PDE1A: variants seen among roughly 807,000 people sequenced by gnomAD.
PDE1A encodes the protein phosphodiesterase 1A.
PDE1A carries 35 observed loss-of-function variants against 61.7 expected under a neutral mutation model. The observed-to-expected ratio is 0.57, with a 90% confidence interval of 0.43 to 0.75. PDE1A has a LOEUF of 0.75. PDE1A is among the 30% of genes least tolerant of loss of function. PDE1A has a pLI of 0.00. For synonymous variants in PDE1A, 232 were observed against 213.2 expected (o/e 1.09, Z -0.77); for missense variants, 597 against 630.6 (o/e 0.95, Z 0.57).
At chr2:182,673,138 C>A in the PDE1A span, among the ~76,000 whole-genome samples, 1 of 152,146 alleles carries the variant, frequency 6.6e-6, no homozygotes, top group African/African-American at 2.4e-5. Flanking sequence ...TGAAGATATG[C>A]CATTATATCA....
the PDE1A span, among the ~76,000 whole-genome samples, chr2:182,579,711 T>C: frequency 6.6e-6 from 1 of 152,004 alleles, no homozygotes; most frequent in Non-Finnish European, 1.5e-5. Flanking sequence ...TAGAAGCAAG[T>C]ACATGGTATG....
At chr2:182,679,005 CTTT>C in the PDE1A span, among the ~76,000 whole-genome samples, 3 of 127,636 alleles carry the variant, frequency 2.4e-5, no homozygotes, top group Non-Finnish European at 3.2e-5. Flanking sequence ...TTTGGTTTCT[CTTT>C]TTTTTTTTTT....
the PDE1A span, among the ~76,000 whole-genome samples, chr2:182,616,454 A>G: frequency 6.6e-6 from 1 of 152,338 alleles, no homozygotes; most frequent in African/African-American, 2.4e-5. Flanking sequence ...TAAGGATATA[A>G]TATGTCCAGA....
chr2:182,183,456 T>G (rs1258317147), intron 13 of PDE1A, among the ~76,000 whole-genome samples: 1 of 152,164 alleles, frequency 6.6e-6, no homozygotes, highest in Non-Finnish European at 1.5e-5. Context: ...AAAGCCAACT[T>G]TCCTGTTGGA....
At chr2:182,358,690 C>T (rs1699335063) in intron 1 of PDE1A, among the ~76,000 whole-genome samples, 2 of 152,092 alleles carry the variant, frequency 1.3e-5, no homozygotes, top group African/African-American at 4.8e-5. Context: ...TGAAGGCTTA[C>T]TAAGCGACAG....
At position 182,251,684 on chromosome 2, in the gene PDE1A, C is replaced by T. The variant is rs200246884; in HGVS notation, c.168-11392G>A. 1.3e-4 allele frequency among the ~76,000 whole-genome samples: 20 copies of T among 152,286 alleles called. No individual in the cohort carries two copies. The East Asian group carries it at 2.3e-3, about 18-fold the overall frequency. ...CTCTATACCAAGAAAATACGATTTA[C>T]TTATTTTCTATGACATGTGCTGAAT... On this transcript the variant is annotated intron_variant, in intron 2 of 13. Transcript: ENST00000351439.
chr2:182,187,498 T>A (rs986940358), intron 11 of PDE1A, among the ~76,000 whole-genome samples: 11 of 152,142 alleles, frequency 7.2e-5, no homozygotes, highest in African/African-American at 2.7e-4. Context: ...TATAGGAGAA[T>A]AGCTGGAGGT....
chr2:182,233,178 A>C (rs1205721601), intron 4 of PDE1A, among the ~76,000 whole-genome samples: 1 of 152,226 alleles, frequency 6.6e-6, no homozygotes, highest in Non-Finnish European at 1.5e-5. Context: ...TAAGGAAATA[A>C]TAGAGAAGGC....
At chr2:182,338,612 C>A (rs977312291) in intron 1 of PDE1A, among the ~76,000 whole-genome samples, 1 of 150,034 alleles carries the variant, frequency 6.7e-6, no homozygotes, top group Non-Finnish European at 1.5e-5. Context: ...GCAACCTCTG[C>A]CTCCCAGGTT....
the PDE1A span, among the ~76,000 whole-genome samples, chr2:182,569,198 A>G: frequency 6.6e-6 from 1 of 150,720 alleles, no homozygotes; most frequent in African/African-American, 2.5e-5. Flanking sequence ...GGCTGCAGTG[A>G]GCCGAGATTG....
the PDE1A span, among the ~76,000 whole-genome samples, chr2:182,612,417 G>T: frequency 6.6e-6 from 1 of 152,270 alleles, no homozygotes; most frequent in East Asian, 1.9e-4. Context: ...TATTCTTCCA[G>T]TATGTAAGTT....
chr2:182,625,259 G>A, the PDE1A span, among the ~76,000 whole-genome samples: 1 of 152,086 alleles, frequency 6.6e-6, no homozygotes. Context: ...CCATTCTATG[G>A]TATTTTGTTA....
At chr2:182,490,439 T>A (rs1009655828) in intron 2 of PDE1A, among the ~76,000 whole-genome samples, 1 of 152,222 alleles carries the variant, frequency 6.6e-6, no homozygotes, top group Non-Finnish European at 1.5e-5. Context: ...TGGCTGGACC[T>A]CGGCTCACTG....
intron 6 of PDE1A, among the ~76,000 whole-genome samples, chr2:182,225,039 A>G (rs953449361): frequency 1.3e-5 from 2 of 152,016 alleles, no homozygotes; most frequent in African/African-American, 4.8e-5. Flanking sequence ...CTATGTGCAC[A>G]CTTGATAAAA....
intron 6 of PDE1A, among the ~76,000 whole-genome samples, chr2:182,225,346 G>A (rs1689058811): frequency 6.6e-6 from 1 of 151,812 alleles, no homozygotes; most frequent in Non-Finnish European, 1.5e-5. Flanking sequence ...TTGTGTAAAA[G>A]GTAAAAGAAA....
intron 1 of PDE1A, among the ~76,000 whole-genome samples, chr2:182,291,836 TTCTGAC>T (rs1238895196): frequency 6.6e-6 from 1 of 152,166 alleles, no homozygotes; most frequent in Non-Finnish European, 1.5e-5. Flanking sequence ...AGGATTTAAA[TTCTGAC>T]ATTCAAAGAA....
chr2:182,341,213 G>C (rs1698162237), intron 1 of PDE1A, among the ~76,000 whole-genome samples: 1 of 152,150 alleles, frequency 6.6e-6, no homozygotes, highest in Non-Finnish European at 1.5e-5. Context: ...TTATTAAGGA[G>C]AGAAGCAAAA....
intron 2 of PDE1A, among the ~76,000 whole-genome samples, chr2:182,464,028 T>C (rs920985847): frequency 6.6e-6 from 1 of 152,144 alleles, no homozygotes; most frequent in Non-Finnish European, 1.5e-5. Flanking sequence ...GATAAGTGAA[T>C]GGGTATTCAG....
At chr2:182,337,571 T>G (rs1283243738) in intron 1 of PDE1A, among the ~76,000 whole-genome samples, 1 of 152,210 alleles carries the variant, frequency 6.6e-6, no homozygotes, top group Non-Finnish European at 1.5e-5. Context: ...AGTTTCCAAA[T>G]AATTTGGAGA....
Sources: gnomAD v4.1 joint callset for allele counts (sites outside exome capture counted in the v4.1 genomes callset) on GRCh38, gnomAD v4.1.1 for gene constraint, MANE v1.5 for transcripts, NCBI Gene and HGNC (gene_info 2026-07-23, HGNC 2026-07-21) for gene names.